CSGALNACT1: variants seen among roughly 807,000 people sequenced by gnomAD.
The protein encoded by CSGALNACT1 is beta4GalNAcT-1.
A neutral mutation model predicts 51.0 loss-of-function variants in CSGALNACT1; 52 were observed. The observed-to-expected ratio is 1.02, with a 90% CI of 0.82 to 1.29. CSGALNACT1 has a LOEUF of 1.29. Among genes scored for constraint, CSGALNACT1 ranks in the 50% most tolerant of loss-of-function variants. The probability of loss-of-function intolerance (pLI) is 0.00; values close to 1 mark genes in which losing one functional copy is unlikely to be tolerated. For missense variants in CSGALNACT1, 935 were observed against 679.2 expected, an observed-to-expected ratio of 1.38 and a Z score of -4.19; for synonymous variants, 341 against 254.4, an observed-to-expected ratio of 1.34 and a Z score of -3.24.
intron 3 of CSGALNACT1, among the ~76,000 whole-genome samples, chr8:19,530,695 C>A (rs73212598): frequency 0.14 from 20,921 of 152,086 alleles, 1,663 homozygotes; most frequent in Non-Finnish European, 0.18. Flanking sequence ...TGTGCCACTG[C>A]CCTTCAGCCT....
chr8:19,493,413 C>T (rs1195075837), intron 4 of CSGALNACT1, among the ~76,000 whole-genome samples: 2 of 152,102 alleles, frequency 1.3e-5, no homozygotes, highest in Non-Finnish European at 2.9e-5. Context: ...TTTGTGCAAC[C>T]ATCACCACAA....
intron 1 of CSGALNACT1, chr8:19,641,907 G>A (rs1277311423): frequency 6.6e-6 from 1 of 152,188 alleles, no homozygotes; most frequent in Non-Finnish European, 1.5e-5. Flanking sequence ...GCTCCATGAG[G>A]TTTCTGCCTC....
chr8:19,749,262 G>T (rs1589816573), intron 1 of CSGALNACT1, among the ~76,000 whole-genome samples: 1 of 148,176 alleles, frequency 6.7e-6, no homozygotes. Context: ...TTAATACACT[G>T]TATTAGTTCC....
At chr8:19,710,600 T>C (rs1366961518) in intron 1 of CSGALNACT1, among the ~76,000 whole-genome samples, 1 of 151,972 alleles carries the variant, frequency 6.6e-6, no homozygotes, top group Non-Finnish European at 1.5e-5. Context: ...GGGTAGGGAG[T>C]GGTCCACGAG....
chr8:19,493,685 A>T (rs1341805902), intron 4 of CSGALNACT1, among the ~76,000 whole-genome samples: 1 of 152,150 alleles, frequency 6.6e-6, no homozygotes, highest in Non-Finnish European at 1.5e-5. Context: ...ATTTCTTTCT[A>T]TGGCCAAATA....
chr8:19,404,738 G>T (rs1032409308), exon 10 of CSGALNACT1: 1 of 454,444 alleles, frequency 2.2e-6, no homozygotes, highest in Admixed American at 2.3e-5. Context: ...GTAAGAAAGC[G>T]GTCCCTACTT....
chr8:19,413,392 C>T (rs1224278153), intron 8 of CSGALNACT1, among the ~76,000 whole-genome samples: 1 of 152,182 alleles, frequency 6.6e-6, no homozygotes, highest in African/African-American at 2.4e-5. Flanking sequence ...CTCAATTCCT[C>T]ATCTGTGAAA....
At chr8:19,720,762 G>C (rs2063079086) in intron 1 of CSGALNACT1, among the ~76,000 whole-genome samples, 1 of 152,158 alleles carries the variant, frequency 6.6e-6, no homozygotes, top group Non-Finnish European at 1.5e-5. Context: ...GATGACTCTG[G>C]TGCTGCTGGC....
intron 1 of CSGALNACT1, among the ~76,000 whole-genome samples, chr8:19,718,919 A>C (rs1337379970): frequency 6.6e-6 from 1 of 152,200 alleles, no homozygotes; most frequent in Non-Finnish European, 1.5e-5. Context: ...GTCCTGACGT[A>C]TTATGGCTAT....
At chr8:19,651,179 A>T (rs1239843002) in intron 1 of CSGALNACT1, among the ~76,000 whole-genome samples, 1 of 152,220 alleles carries the variant, frequency 6.6e-6, no homozygotes, top group Admixed American at 6.5e-5. Flanking sequence ...ATAAAACTTT[A>T]CAAAATTCTG....
At chr8:19,638,887 T>C (rs2056420420) in intron 1 of CSGALNACT1, among the ~76,000 whole-genome samples, 1 of 152,138 alleles carries the variant, frequency 6.6e-6, no homozygotes, top group African/African-American at 2.4e-5. Context: ...AGACTTACTT[T>C]GCACATCAAA....
intron 1 of CSGALNACT1, among the ~76,000 whole-genome samples, chr8:19,660,855 C>G (rs1270831084): frequency 2.6e-5 from 4 of 152,136 alleles, no homozygotes; most frequent in Non-Finnish European, 2.9e-5. Context: ...TGTACATTCC[C>G]AAAACCTCCA....
At chr8:19,595,730 G>C (rs115188186) in intron 2 of CSGALNACT1, among the ~76,000 whole-genome samples, 1 of 151,856 alleles carries the variant, frequency 6.6e-6, no homozygotes, top group African/African-American at 2.4e-5. Context: ...CAATTGAACT[G>C]TTTGTTTCCA....
At chr8:19,405,881 T>G (rs1362691705) in exon 10 of CSGALNACT1, 7 of 1,614,214 alleles carry the variant, frequency 4.3e-6, no homozygotes, top group Non-Finnish European at 5.9e-6. Context: ...GATGCCTCGT[T>G]CATGGCCTTG....
intron 1 of CSGALNACT1, among the ~76,000 whole-genome samples, chr8:19,673,574 A>T (rs2059954036): frequency 6.6e-6 from 1 of 152,326 alleles, no homozygotes; most frequent in South Asian, 2.1e-4. Flanking sequence ...GTGTATTTCC[A>T]TCTTTAATTC....
intron 1 of CSGALNACT1, among the ~76,000 whole-genome samples, chr8:19,743,964 A>G (rs1192127562): frequency 6.6e-6 from 1 of 152,212 alleles, no homozygotes; most frequent in Non-Finnish European, 1.5e-5. Flanking sequence ...CTAATAAGAA[A>G]GGAAAAAAAA....
chr8:19,468,432 G>A (rs2067243286), intron 4 of CSGALNACT1, among the ~76,000 whole-genome samples: 1 of 152,164 alleles, frequency 6.6e-6, no homozygotes, highest in Non-Finnish European at 1.5e-5. Context: ...ACCTTCACAG[G>A]TGCAAACCTG....
chr8:19,439,859 T>G (rs1253879956), exon 6 of CSGALNACT1: 1 of 1,614,008 alleles, frequency 6.2e-7, no homozygotes, highest in African/African-American at 1.3e-5. Flanking sequence ...TTCCTTTGAC[T>G]TCATTTATTT....
intron 1 of CSGALNACT1, among the ~76,000 whole-genome samples, chr8:19,648,701 G>A (rs2057500146): frequency 6.6e-6 from 1 of 152,148 alleles, no homozygotes; most frequent in Non-Finnish European, 1.5e-5. Flanking sequence ...GTACTCAGAA[G>A]GCTGAGGTGG....
Sources: gnomAD v4.1 joint callset for allele counts (sites outside exome capture counted in the v4.1 genomes callset) on GRCh38, gnomAD v4.1.1 for gene constraint, MANE v1.5 for transcripts, NCBI Gene and HGNC (gene_info 2026-07-23, HGNC 2026-07-21) for gene names.